CTBP2: variants seen among roughly 807,000 people sequenced by gnomAD.
The protein encoded by CTBP2 is C-terminal-binding protein 2.
Under a neutral mutation model 80.3 loss-of-function variants are expected in CTBP2, and 30 were observed. That is an observed-to-expected ratio of 0.37 (90% CI 0.28 to 0.51). The LOEUF (loss-of-function observed/expected upper bound fraction) is 0.51. CTBP2 is among the 20% of genes least tolerant of loss of function. CTBP2 has a pLI of 0.93. For synonymous variants in CTBP2, 594 were observed against 587.4 expected (o/e 1.01, Z -0.16); for missense variants, 1,212 against 1,375.3 (o/e 0.88, Z 1.88).
chr10:125,124,617 T>C (rs1270570141), intron 1 of CTBP2, among the ~76,000 whole-genome samples: 1 of 152,236 alleles, frequency 6.6e-6, no homozygotes, highest in African/African-American at 2.4e-5. Flanking sequence ...CAACATTGCT[T>C]AGCTTTAAAG....
chr10:125,134,382 G>C (rs970508444), intron 1 of CTBP2, among the ~76,000 whole-genome samples: 2 of 152,134 alleles, frequency 1.3e-5, no homozygotes, highest in Admixed American at 6.5e-5. Context: ...AGGAGGAAGC[G>C]GGGAGAAAGG....
At chr10:125,116,058 C>T (rs966162836) in intron 1 of CTBP2, among the ~76,000 whole-genome samples, 6 of 152,278 alleles carry the variant, frequency 3.9e-5, no homozygotes, top group South Asian at 4.1e-4. Context: ...CTACTCAGTG[C>T]CAGGACTGTG....
chr10:125,088,223 A>G (rs541027914), intron 2 of CTBP2: 1 of 152,404 alleles, frequency 6.6e-6, no homozygotes, highest in Admixed American at 6.5e-5. Context: ...ATGTCATTCA[A>G]GAAGCTCACG....
chr10:125,046,537 C>CAAAAAAAAAAAAAAAAA (rs57913854), intron 2 of CTBP2, among the ~76,000 whole-genome samples: 4 of 114,774 alleles, frequency 3.5e-5, no homozygotes, highest in Non-Finnish European at 3.5e-5. Flanking sequence ...GACTCTATCT[C>CAAAAAAAAAAAAAAAAA]AAAAAAAAAA....
At position 125,073,052 on chromosome 10, in the gene CTBP2, T is replaced by C. The variant is rs193292315; in HGVS notation, c.-101-33897A>G. Among the ~76,000 whole-genome samples the C allele has an allele frequency of 1.7e-3, 258 of 152,370 alleles. 1 individual carries two copies. Among genetic ancestry groups the C allele is most frequent in the African/African-American group, 5.9e-3 (246 of 41,600 alleles). ...CCAAGAACACAGTGTCAGAGAAAGC[T>C]AACAGCCACAGCAGTTCCACGCCGG... On this transcript the variant is annotated intron_variant, in intron 2 of 10. Transcript: ENST00000337195.
rs1952132590 is a variant in CTBP2, at chr10:124,988,289, G to A, written c.*1229C>T. ...GCAATTGCCTTAAACATCTCAAGTA[G>A]AGAACATTTACATTAGTGAGATGTA... On this transcript the variant is annotated 3_prime_UTR_variant, in exon 9 of 9. Transcript: ENST00000309035. The A allele has an allele frequency of 6.6e-6, 1 of 152,620 alleles. No individual in the cohort carries two copies. The highest frequency in any genetic ancestry group is 1.5e-5 in the Non-Finnish European group (1 of 68,036). 9.5% of individuals were successfully genotyped at this position (152,620 alleles called of 1,614,324 possible).
chr10:125,053,812 T>C (rs958296250), intron 2 of CTBP2, among the ~76,000 whole-genome samples: 2 of 152,058 alleles, frequency 1.3e-5, no homozygotes, highest in African/African-American at 2.4e-5. Flanking sequence ...AGATGCCACA[T>C]AGTTCCGAAG....
At chr10:125,047,137 A>T (rs912985274) in intron 2 of CTBP2, among the ~76,000 whole-genome samples, 1 of 152,158 alleles carries the variant, frequency 6.6e-6, no homozygotes, top group Non-Finnish European at 1.5e-5. Context: ...ATTAGTTTTA[A>T]TAGTGTTATT....
chr10:125,080,282 G>A (rs1846979870), intron 2 of CTBP2, among the ~76,000 whole-genome samples: 1 of 148,012 alleles, frequency 6.8e-6, no homozygotes, highest in Admixed American at 6.7e-5. Flanking sequence ...CCTTGGATTA[G>A]GGGTAAAAAA....
Position 125,027,565 on chromosome 10 carries a change from G to A in CTBP2, c.195C>T (p.Ala65=), listed in dbSNP as rs776289406. Residue 65 remains alanine (A), a synonymous_variant, in exon 1 of 9, where the codon GCC becomes GCT. Transcript: ENST00000309035. ...CCTCCCGGTACAGGTAGGGCTCGGC[G>A]GCCACGGGCAGGGCAGCGTCCTGTG... The A allele has an allele frequency of 5.6e-5, 90 of 1,613,942 alleles. No homozygotes were observed. The Admixed American group carries it at 1.0e-3, about 19-fold the overall frequency.
At chr10:125,143,186 G>A (rs180875816) in intron 1 of CTBP2, among the ~76,000 whole-genome samples, 8 of 152,150 alleles carry the variant, frequency 5.3e-5, no homozygotes, top group African/African-American at 1.9e-4. Context: ...ATGTTCAGAA[G>A]AAGCAAATTC....
intron 2 of CTBP2, among the ~76,000 whole-genome samples, chr10:125,087,233 G>A (rs980636273): frequency 2.0e-5 from 3 of 151,818 alleles, no homozygotes; most frequent in Non-Finnish European, 4.4e-5. Flanking sequence ...CACCATGCCC[G>A]GTTAATTTTT....
At chr10:125,104,227 T>C (rs1851099354) in intron 2 of CTBP2, among the ~76,000 whole-genome samples, 1 of 152,314 alleles carries the variant, frequency 6.6e-6, no homozygotes, top group African/African-American at 2.4e-5. Flanking sequence ...GAGGACCCTG[T>C]GCGGGCGCCA....
At position 125,026,388 on chromosome 10, in the gene CTBP2, G is replaced by T. The variant is rs1957554775; in HGVS notation, c.1372C>A (p.Gln458Lys). Residue 458 changes from glutamine to lysine, a missense_variant, in exon 1 of 9, where the codon CAG becomes AAG. Physicochemically the swap from Gln to Lys is moderately conservative, Grantham distance 53. Coordinates refer to ENST00000309035, the MANE Select transcript of CTBP2 (RefSeq NM_022802.3). ...GGGTTAGTCAAGGCCACCCCTGCCTGCAGGGGGTACGTGGGGCTCAGACGC... is the reference window on the plus strand; with the variant it reads ...GGGTTAGTCAAGGCCACCCCTGCCTTCAGGGGGTACGTGGGGCTCAGACGC... 5.0e-6 allele frequency: 8 copies of T among 1,611,488 alleles called. No homozygotes were observed. The highest frequency in any genetic ancestry group is 6.8e-6 in the Non-Finnish European group (8 of 1,178,160).
At chr10:125,124,173 C>T (rs1346040476) in intron 1 of CTBP2, among the ~76,000 whole-genome samples, 1 of 152,148 alleles carries the variant, frequency 6.6e-6, no homozygotes, top group African/African-American at 2.4e-5. Flanking sequence ...AGAGCTACGC[C>T]CCTGCTTCTC....
At chr10:125,085,719 G>A (rs1847872544) in intron 2 of CTBP2, among the ~76,000 whole-genome samples, 1 of 152,148 alleles carries the variant, frequency 6.6e-6, no homozygotes, top group Admixed American at 6.5e-5. Flanking sequence ...TCGCAGCTGG[G>A]GTGTGGGTAA....
intron 1 of CTBP2, among the ~76,000 whole-genome samples, chr10:125,139,598 CTGGGCCTGGGCA>C (rs1034307724): frequency 2.0e-5 from 3 of 152,092 alleles, no homozygotes; most frequent in Admixed American, 1.3e-4. Context: ...TCTAGGCCAG[CTGGGCCTGGGCA>C]TGTAATAGCA....
rs560275649 is a variant in CTBP2, at chr10:124,997,450, C to T, written c.2185+514G>A. ...GAAGACCCTCCTGGGCCTCTCCTCACGTCTCCTTTTCCTGCCCCTCTCTCA... is the reference window on the plus strand; with the variant it reads ...GAAGACCCTCCTGGGCCTCTCCTCATGTCTCCTTTTCCTGCCCCTCTCTCA... On this transcript the variant is annotated intron_variant, in intron 4 of 8. Transcript: ENST00000309035. 2.2e-4 allele frequency: 36 copies of T among 167,106 alleles called. 1 individual carries two copies. The South Asian group carries it at 5.0e-3, about 23-fold the overall frequency. The allele number at this position is 167,106 out of a possible 1,614,324, so 10.4% of individuals were successfully genotyped here.
intron 2 of CTBP2, among the ~76,000 whole-genome samples, chr10:125,041,715 A>G (rs1959887469): frequency 1.3e-5 from 2 of 152,128 alleles, no homozygotes; most frequent in African/African-American, 2.4e-5. Flanking sequence ...GACCTCGGAG[A>G]TGAAAAATGA....
Sources: allele counts gnomAD v4.1 joint callset (sites outside exome capture counted in the v4.1 genomes callset), GRCh38; gene constraint gnomAD v4.1.1; transcripts MANE v1.5; gene names NCBI Gene and HGNC (gene_info 2026-07-23, HGNC 2026-07-21).